Variants in SLIT3 observed in about 807,000 individuals in gnomAD.
SLIT3 encodes slit homolog 3 protein.
A neutral mutation model predicts 184.0 loss-of-function variants in SLIT3; 68 were observed. The observed-to-expected ratio is 0.37, with a 90% CI of 0.30 to 0.45. SLIT3 has a LOEUF of 0.45. Among genes scored for constraint, SLIT3 ranks in the 20% least tolerant of loss-of-function variants. The pLI is 1.00. For synonymous variants in SLIT3, 831 were observed against 828.6 expected (o/e 1.00, Z -0.05); for missense variants, 1,707 against 2,026.0 (o/e 0.84, Z 3.02).
intron 2 of SLIT3, among the ~76,000 whole-genome samples, chr5:169,246,802 C>G (rs1254120347): frequency 6.6e-6 from 1 of 151,112 alleles, no homozygotes; most frequent in Non-Finnish European, 1.5e-5. Context: ...GCCTGTAATC[C>G]CAGCTACTTG....
intron 4 of SLIT3, 81 bp from the exon 5 acceptor site, chr5:168,883,417 C>T: frequency 1.8e-6 from 2 of 1,107,626 alleles, no homozygotes; most frequent in Non-Finnish European, 2.7e-6. Context: ...TAACAATCCC[C>T]CCCACCCAGG....
chr5:168,877,019 A>G (rs1269998839), intron 5 of SLIT3, among the ~76,000 whole-genome samples: 1 of 152,226 alleles, frequency 6.6e-6, no homozygotes, highest in Non-Finnish European at 1.5e-5. Flanking sequence ...CATTCTTTCA[A>G]TACATTTCTA....
intron 26 of SLIT3, among the ~76,000 whole-genome samples, chr5:168,703,568 C>G (rs1582548357): frequency 6.6e-6 from 1 of 152,060 alleles, no homozygotes; most frequent in Non-Finnish European, 1.5e-5. Context: ...ACAGTTTCAT[C>G]CTGAGACCAT....
At chr5:169,145,171 C>T (rs547678908) in intron 4 of SLIT3, among the ~76,000 whole-genome samples, 4 of 152,296 alleles carry the variant, frequency 2.6e-5, no homozygotes, top group East Asian at 1.9e-4. Context: ...TCCAAGGCTG[C>T]GTGACACCTC....
At chr5:169,046,815 TCTC>T (rs1463486625) in intron 4 of SLIT3, among the ~76,000 whole-genome samples, 1 of 152,104 alleles carries the variant, frequency 6.6e-6, no homozygotes, top group East Asian at 1.9e-4. Context: ...AGATAATTCT[TCTC>T]CTCCCTTTTC....
chr5:169,286,920 G>C (rs1767166952), intron 1 of SLIT3, among the ~76,000 whole-genome samples: 1 of 152,324 alleles, frequency 6.6e-6, no homozygotes, highest in East Asian at 1.9e-4. Flanking sequence ...AGAGCTTCCT[G>C]ACTGAATATG....
rs889352241 is a variant in SLIT3 at position 168,765,223 on chromosome 5, G to A, written c.1460-2534C>T. On this transcript the variant is annotated intron_variant, in intron 14 of 35. Transcript: ENST00000519560. Reference sequence around the variant, plus strand: ...TAAATGCATTTTCATTTTAATCAAGGTGAGAGCAGCCTGTAGTTAGCAGGA... The same window carrying A: ...TAAATGCATTTTCATTTTAATCAAGATGAGAGCAGCCTGTAGTTAGCAGGA... 4.6e-5 allele frequency among the ~76,000 whole-genome samples: 7 copies of A among 152,180 alleles called. No homozygotes were observed. The East Asian group carries it at 1.3e-3, about 29-fold the overall frequency.
chr5:169,229,745 C>T (rs1581080601), intron 3 of SLIT3, among the ~76,000 whole-genome samples: 2 of 151,710 alleles, frequency 1.3e-5, no homozygotes, highest in African/African-American at 4.8e-5. Flanking sequence ...GATGGCTGTG[C>T]CGATCTCAAA....
chr5:168,902,389 T>C (rs929863896), intron 4 of SLIT3, among the ~76,000 whole-genome samples: 5 of 152,230 alleles, frequency 3.3e-5, no homozygotes, highest in Non-Finnish European at 7.3e-5. Flanking sequence ...GCGTTTATAC[T>C]TTTGTTACGT....
At position 168,894,956 on chromosome 5, in the gene SLIT3, A is replaced by AAT. The variant is rs1156513672; in HGVS notation, c.414-11621_414-11620insAT. Among the ~76,000 whole-genome samples, 4 of 152,118 alleles carry AAT rather than the reference A, an allele frequency of 2.6e-5. No homozygotes were observed. In the East Asian group the frequency reaches 7.7e-4, roughly 29 times the overall value. On this transcript the variant is annotated intron_variant, in intron 4 of 35. Transcript: ENST00000519560. ...TGAGGAAGTTCTGATGATCTTTGGG[A>AAT]TAATCTACACTGTGATCTGACTCCT...
In SLIT3 at chr5:169,251,432, C is replaced by G; in HGVS notation, c.225G>C (p.Arg75Ser). Residue 75 changes from arginine (R) to serine (S), a missense_variant, in exon 2 of 36, where the codon AGG becomes AGC. Physicochemically the swap from Arg to Ser is moderately radical, Grantham distance 110. Transcript: ENST00000519560. Reference sequence around the variant, plus strand: ...GCCCAGCGAAGTCCATCTTGGTGATCCTGGTGATATTATTTCTGTCCAGGT... The same window carrying G: ...GCCCAGCGAAGTCCATCTTGGTGATGCTGGTGATATTATTTCTGTCCAGGT... ...RLDLDRNNIT[R>S]ITKMDFAGLK... 6.2e-7 allele frequency: 1 copy of G among 1,613,540 alleles called. No homozygotes were observed. Among genetic ancestry groups the G allele is most frequent in the Non-Finnish European group, 8.5e-7 (1 of 1,179,552 alleles).
intron 4 of SLIT3, among the ~76,000 whole-genome samples, chr5:169,113,065 A>G (rs1561672924): frequency 6.6e-6 from 1 of 152,160 alleles, no homozygotes; most frequent in Admixed American, 6.5e-5. Flanking sequence ...TGAAGTGTAC[A>G]TAGCATCAAA....
rs568936612 is a variant in SLIT3 at position 168,936,784 on chromosome 5, G to C, written c.414-53448C>G. ...GCGTTCAGTGAAGGGAGGGGCACTGGAATCATTCAGTCATTTTATCAACCA... is the reference window on the plus strand; with the variant it reads ...GCGTTCAGTGAAGGGAGGGGCACTGCAATCATTCAGTCATTTTATCAACCA... On this transcript the variant is annotated intron_variant, in intron 4 of 35. Transcript: ENST00000519560. Among the ~76,000 whole-genome samples, 11 of 152,198 alleles carry C rather than the reference G, an allele frequency of 7.2e-5. No homozygotes were observed. In the South Asian group the frequency reaches 2.3e-3, roughly 32 times the overall value.
intron 32 of SLIT3, among the ~76,000 whole-genome samples, chr5:168,679,548 C>T (rs10068291): frequency 0.036 from 5,430 of 152,210 alleles, 326 homozygotes; most frequent in African/African-American, 0.12. Context: ...AGGTGTTCAG[C>T]CTGAAGTCTT....
At chr5:169,235,389 A>C (rs1418939401) in intron 3 of SLIT3, among the ~76,000 whole-genome samples, 2 of 152,368 alleles carry the variant, frequency 1.3e-5, no homozygotes, top group South Asian at 2.1e-4. Flanking sequence ...ATGGGTCAGC[A>C]TAAAAACTTT....
At chr5:168,855,498 C>T (rs568671893) in intron 5 of SLIT3, among the ~76,000 whole-genome samples, 85 of 152,218 alleles carry the variant, frequency 5.6e-4, no homozygotes, top group African/African-American at 2.0e-3. Context: ...AGTGGATACA[C>T]GAATTGTGGT....
At chr5:169,298,257 C>T (rs2113669073) in intron 1 of SLIT3, among the ~76,000 whole-genome samples, 1 of 152,254 alleles carries the variant, frequency 6.6e-6, no homozygotes, top group Middle Eastern at 3.4e-3. Context: ...CAAAGAAGCT[C>T]CTGCTCTGCC....
chr5:169,033,790 G>A (rs1757129684), intron 4 of SLIT3, among the ~76,000 whole-genome samples: 2 of 148,800 alleles, frequency 1.3e-5, no homozygotes, highest in African/African-American at 4.9e-5. Flanking sequence ...TGGGTTATGT[G>A]GTTTTTCCAC....
intron 1 of SLIT3, among the ~76,000 whole-genome samples, chr5:169,279,119 T>A (rs570799245): frequency 7.2e-5 from 11 of 152,316 alleles, no homozygotes; most frequent in Admixed American, 1.3e-4. Context: ...TGTGTTACAC[T>A]GAAGCATATT....
Sources: gnomAD v4.1 joint callset for allele counts (sites outside exome capture counted in the v4.1 genomes callset) on GRCh38, gnomAD v4.1.1 for gene constraint, MANE v1.5 for transcripts, NCBI Gene and HGNC (gene_info 2026-07-23, HGNC 2026-07-21) for gene names.